Variants in USP48 observed in about 807,000 individuals in gnomAD.
The protein encoded by USP48 is ubiquitin carboxyl-terminal hydrolase 48.
In USP48, 43 loss-of-function variants were observed where a neutral mutation model predicts 150.7. The observed-to-expected ratio is 0.29, with a 90% confidence interval of 0.22 to 0.37. The LOEUF is 0.37. Among genes scored for constraint, USP48 ranks in the 10% least tolerant of loss-of-function variants. The pLI, the probability that USP48 is intolerant of heterozygous loss-of-function variation, is 1.00. For synonymous variants in USP48, 396 were observed against 425.9 expected, an observed-to-expected ratio of 0.93 and a Z score of 0.86; for missense variants, 813 against 1,249.6, an observed-to-expected ratio of 0.65 and a Z score of 5.27.
intron 23 of USP48, among the ~76,000 whole-genome samples, chr1:21,692,651 T>C (rs536347199): frequency 2.0e-5 from 3 of 152,296 alleles, no homozygotes; most frequent in Admixed American, 6.5e-5. Context: ...AGTACTGTTT[T>C]AGGTGTTGAT....
Position 21,751,538 on chromosome 1 carries a change from T to A in USP48, c.743A>T (p.Gln248Leu). 6.2e-7 allele frequency: 1 copy of A among 1,613,928 alleles called. No homozygotes were observed. ...ELELNIQGHK[Q>L]LTDCISEFLK... Reference sequence around the variant, plus strand: ...AAATTCCGAGATACAATCTGTTAACTGTTTGTGGCCTTGGATATTTAACTC... The same window carrying A: ...AAATTCCGAGATACAATCTGTTAACAGTTTGTGGCCTTGGATATTTAACTC... The change falls in exon 6 of 27, where the codon CAG (glutamine) becomes CTG (leucine). Residue 248 changes from glutamine (Q) to leucine (L), a missense_variant. Gln to Leu is a moderately radical substitution (Grantham distance 113, BLOSUM62 -2). Coordinates refer to ENST00000308271, the MANE Select transcript of USP48 (RefSeq NM_032236.8).
In USP48 at chr1:21,704,363, T is replaced by C; in HGVS notation, c.2414A>G (p.Gln805Arg). The stretch of plus-strand genomic sequence containing the variant: ...CACAACAAAGAGCTTTTGTATCATT[T>C]GCCACTCACTGGGCCATATGAGAGC... ...LIALIWPSEW[Q>R]MIQKLFVVDH... The change falls in exon 20 of 27, where the codon CAA becomes CGA. Residue 805 changes from glutamine to arginine, a missense_variant. Physicochemically the swap from Gln to Arg is conservative, Grantham distance 43. Transcript: ENST00000308271. The C allele has an allele frequency of 6.2e-7, 1 of 1,613,664 alleles. No individual in the cohort carries two copies. The highest frequency in any genetic ancestry group is 8.5e-7 in the Non-Finnish European group (1 of 1,179,832).
At chr1:21,749,120 A>G (rs1425634483) in intron 6 of USP48, among the ~76,000 whole-genome samples, 2 of 152,208 alleles carry the variant, frequency 1.3e-5, no homozygotes, top group Non-Finnish European at 2.9e-5. Flanking sequence ...AGCTAATTGC[A>G]GCCAATCATA....
At chr1:21,711,614 A>G (rs2097690411) in intron 15 of USP48, among the ~76,000 whole-genome samples, 1 of 152,204 alleles carries the variant, frequency 6.6e-6, no homozygotes, top group Non-Finnish European at 1.5e-5. Flanking sequence ...AATAAAAGAT[A>G]CTTACGGAAA....
At chr1:21,684,216 T>C (rs931489601) in intron 25 of USP48, among the ~76,000 whole-genome samples, 4 of 152,374 alleles carry the variant, frequency 2.6e-5, no homozygotes, top group Non-Finnish European at 5.9e-5. Flanking sequence ...CATACTGTTT[T>C]CCATAATGGC....
chr1:21,768,075 C>T (rs1368498274), intron 1 of USP48, among the ~76,000 whole-genome samples: 4 of 151,946 alleles, frequency 2.6e-5, no homozygotes, highest in Admixed American at 6.6e-5. Context: ...GGCATGGTGG[C>T]GGGTACCTGT....
intron 1 of USP48, among the ~76,000 whole-genome samples, chr1:21,766,431 G>A (rs2097862423): frequency 6.6e-6 from 1 of 152,114 alleles, no homozygotes; most frequent in Non-Finnish European, 1.5e-5. Flanking sequence ...AGGTATCAAA[G>A]GGTATGAATG....
rs2097721430 is a variant in USP48 at position 21,721,776 on chromosome 1, A to G, written c.1649-12T>C. On this transcript the variant is annotated splice_polypyrimidine_tract_variant and intron_variant, in intron 12 of 26. Transcript: ENST00000308271. ...ACACAGGGCTTTCACTACAGGCAAG[A>G]AAGAATGAAAGGAAATATATTTCAT... 2 of 1,527,330 alleles carry G rather than the reference A, an allele frequency of 1.3e-6. No individual in the cohort carries two copies. Among genetic ancestry groups the G allele is most frequent in the Non-Finnish European group, 1.8e-6 (2 of 1,121,734 alleles). 94.6% of individuals were successfully genotyped at this position (1,527,330 alleles called of 1,614,324 possible).
At chr1:21,747,740 T>C (rs908461041) in intron 7 of USP48, among the ~76,000 whole-genome samples, 15 of 152,046 alleles carry the variant, frequency 9.9e-5, no homozygotes, top group African/African-American at 2.9e-4. Context: ...GCCCGGCTAA[T>C]TTTTGTATTT....
chr1:21,681,920 T>C (rs1268572247), intron 25 of USP48, among the ~76,000 whole-genome samples: 3 of 152,212 alleles, frequency 2.0e-5, no homozygotes, highest in Non-Finnish European at 4.4e-5. Flanking sequence ...CTTTTCCTTG[T>C]GGCATCCCTT....
chr1:21,705,803 C>T lies in USP48; in HGVS notation c.2308G>A (p.Gly770Arg). 6.2e-7 allele frequency: 1 copy of T among 1,611,314 alleles called. No individual in the cohort carries two copies. Among genetic ancestry groups the T allele is most frequent in the South Asian group, 1.1e-5 (1 of 90,244 alleles). ...PTRCSPVSSV[G>R]NSALLCPHGG... ...TGGGGACACAAAAGAGCACTGTTCC[C>T]AACTGATGACACAGGGCTGCATCTT... The change falls in exon 19 of 27, where the codon GGG (glycine) becomes AGG (arginine). Residue 770 changes from glycine (G) to arginine (R), a missense_variant. Transcript: ENST00000308271.
chr1:21,701,417 G>C, intron 22 of USP48, 81 bp downstream of exon 22: 1 of 1,135,236 alleles, frequency 8.8e-7, no homozygotes, highest in Non-Finnish European at 1.3e-6. Context: ...ACAGGGTACA[G>C]AGACATGGCC....
intron 1 of USP48, chr1:21,781,935 CTAACT>C (rs1373779004): frequency 1.3e-5 from 2 of 152,178 alleles, no homozygotes; most frequent in African/African-American, 2.4e-5. Context: ...TAGAAACTCC[CTAACT>C]TATTTCACTT....
At chr1:21,736,952 C>T (rs1011982685) in intron 8 of USP48, among the ~76,000 whole-genome samples, 2 of 152,130 alleles carry the variant, frequency 1.3e-5, no homozygotes, top group African/African-American at 4.8e-5. Context: ...CGAGGCCACA[C>T]GCTTCCCAAG....
At chr1:21,762,952 A>G (rs2097853547) in intron 1 of USP48, among the ~76,000 whole-genome samples, 1 of 152,096 alleles carries the variant, frequency 6.6e-6, no homozygotes, top group African/African-American at 2.4e-5. Context: ...CATTCTCAGA[A>G]AATAGTTCCA....
intron 23 of USP48, among the ~76,000 whole-genome samples, 186 bp from the exon 24 acceptor site, chr1:21,690,285 A>C (rs943802203): frequency 1.3e-5 from 2 of 152,108 alleles, no homozygotes; most frequent in African/African-American, 2.4e-5. Flanking sequence ...ATATCCGGGA[A>C]CATCCTTAAG....
chr1:21,687,127 T>C (rs1306188423), intron 25 of USP48, 64 bp downstream of exon 25: 1 of 1,501,272 alleles, frequency 6.7e-7, no homozygotes, highest in Non-Finnish European at 9.2e-7. Flanking sequence ...AAAGCTTCAA[T>C]ATCTAAAATC....
At chr1:21,770,148 C>A (rs933503324) in intron 1 of USP48, among the ~76,000 whole-genome samples, 1 of 145,896 alleles carries the variant, frequency 6.9e-6, no homozygotes, top group Non-Finnish European at 1.5e-5. Context: ...CATATTGAGA[C>A]CTCGTCCTCC....
intron 1 of USP48, among the ~76,000 whole-genome samples, chr1:21,759,056 C>G (rs900269148): frequency 6.6e-6 from 1 of 151,746 alleles, no homozygotes; most frequent in African/African-American, 2.4e-5. Context: ...GTTTGTAACT[C>G]CAGCTACAGG....
Sources: allele counts gnomAD v4.1 joint callset (sites outside exome capture counted in the v4.1 genomes callset), GRCh38; gene constraint gnomAD v4.1.1; transcripts MANE v1.5; gene names NCBI Gene and HGNC (gene_info 2026-07-23, HGNC 2026-07-21).